Variants in TAS2R1 observed in about 807,000 individuals in gnomAD.
TAS2R1 encodes taste 2 receptor member 1.
For missense variants in TAS2R1, 370 were observed against 353.4 expected (o/e 1.05, Z -0.38); for synonymous variants, 141 against 134.2 (o/e 1.05, Z -0.35).
the TAS2R1 span, among the ~76,000 whole-genome samples, chr5:9,823,441 AAG>A: frequency 6.7e-6 from 1 of 148,838 alleles, no homozygotes; most frequent in Non-Finnish European, 1.5e-5. Context: ...TCCAGACAGG[AAG>A]AGAGGGAGGG....
chr5:9,897,407 C>A, the TAS2R1 span, among the ~76,000 whole-genome samples: 14 of 152,208 alleles, frequency 9.2e-5, no homozygotes, highest in African/African-American at 3.4e-4. Flanking sequence ...CGAGATCACG[C>A]CGCTGCACTC....
intron 1 of TAS2R1, among the ~76,000 whole-genome samples, chr5:9,695,747 G>A (rs17273158): frequency 6.6e-6 from 1 of 151,936 alleles, no homozygotes; most frequent in Non-Finnish European, 1.5e-5. Flanking sequence ...CTCAGCTAGG[G>A]TACATGCCTC....
At chr5:9,660,225 A>ATTTTTTTTTTTTTT (rs35208333) in intron 1 of TAS2R1, among the ~76,000 whole-genome samples, 5 of 88,820 alleles carry the variant, frequency 5.6e-5, no homozygotes, top group Admixed American at 1.4e-4. Flanking sequence ...CTCCCGGCTA[A>ATTTTTTTTTTTTTT]TTTTTTTTTT....
the TAS2R1 span, among the ~76,000 whole-genome samples, chr5:9,838,954 G>A: frequency 1.3e-5 from 2 of 152,196 alleles, no homozygotes; most frequent in Non-Finnish European, 2.9e-5. Flanking sequence ...TTCAGACCTG[G>A]ACTAACTGGA....
chr5:9,887,722 C>T, the TAS2R1 span, among the ~76,000 whole-genome samples: 2 of 152,144 alleles, frequency 1.3e-5, no homozygotes, highest in Non-Finnish European at 2.9e-5. Context: ...ACCCTGTCCT[C>T]GAGGAGCTCA....
chr5:9,891,916 AC>A, the TAS2R1 span, among the ~76,000 whole-genome samples: 6 of 152,220 alleles, frequency 3.9e-5, no homozygotes, highest in Admixed American at 3.9e-4. Context: ...TGGCAGGCTG[AC>A]CCCAGTGCAT....
At chr5:9,874,057 A>C in the TAS2R1 span, among the ~76,000 whole-genome samples, 1 of 152,142 alleles carries the variant, frequency 6.6e-6, no homozygotes, top group African/African-American at 2.4e-5. Flanking sequence ...AAAGTACTAC[A>C]TGGAGTGAGT....
At chr5:9,669,150 A>C (rs1160852997) in intron 1 of TAS2R1, among the ~76,000 whole-genome samples, 2 of 152,204 alleles carry the variant, frequency 1.3e-5, no homozygotes, top group Non-Finnish European at 2.9e-5. Context: ...AATCAGCAAT[A>C]ATCAAAAAAG....
chr5:9,830,186 T>TGGAC, the TAS2R1 span, among the ~76,000 whole-genome samples: 198 of 147,708 alleles, frequency 1.3e-3, no homozygotes, highest in Admixed American at 2.1e-3. Flanking sequence ...ATTGGATGGA[T>TGGAC]GGATGGATGG....
chr5:9,813,691 G>A, the TAS2R1 span, among the ~76,000 whole-genome samples: 1 of 152,240 alleles, frequency 6.6e-6, no homozygotes, highest in Admixed American at 6.5e-5. Flanking sequence ...TAAAGGTCAT[G>A]GATAACTGTA....
chr5:9,791,828 G>A, the TAS2R1 span, among the ~76,000 whole-genome samples: 1 of 152,152 alleles, frequency 6.6e-6, no homozygotes, highest in East Asian at 1.9e-4. Flanking sequence ...CTGGGTGTGG[G>A]GCTTCCAATG....
upstream of TAS2R1, chr5:9,714,318 A>G (rs1734762874): frequency 6.6e-6 from 1 of 152,246 alleles, no homozygotes; most frequent in Admixed American, 6.5e-5. Context: ...ATGATAACAA[A>G]CACAATGTCC....
At chr5:9,642,792 C>G (rs565256478) in intron 2 of TAS2R1, among the ~76,000 whole-genome samples, 6 of 152,240 alleles carry the variant, frequency 3.9e-5, no homozygotes, top group African/African-American at 1.4e-4. Context: ...GCTTTACAAA[C>G]AAGAATCCCT....
At chr5:9,842,478 G>A in the TAS2R1 span, among the ~76,000 whole-genome samples, 1 of 151,732 alleles carries the variant, frequency 6.6e-6, no homozygotes, top group Non-Finnish European at 1.5e-5. Flanking sequence ...CCACCACCAC[G>A]GCCGGCTAAT....
At chr5:9,855,609 G>C in the TAS2R1 span, among the ~76,000 whole-genome samples, 2 of 152,198 alleles carry the variant, frequency 1.3e-5, no homozygotes, top group Non-Finnish European at 2.9e-5. Flanking sequence ...AAAGCAGAAG[G>C]AAGTGCAGAG....
At chr5:9,810,977 A>G in the TAS2R1 span, among the ~76,000 whole-genome samples, 1 of 152,124 alleles carries the variant, frequency 6.6e-6, no homozygotes. Context: ...CCTGGTTCCT[A>G]TCGCATGACC....
the TAS2R1 span, among the ~76,000 whole-genome samples, chr5:9,894,072 C>T: frequency 6.6e-6 from 1 of 152,260 alleles, no homozygotes; most frequent in South Asian, 2.1e-4. Flanking sequence ...AGGTCTTTCC[C>T]ATGGGCCCCA....
chr5:9,731,441 C>G, the TAS2R1 span, among the ~76,000 whole-genome samples: 2 of 149,006 alleles, frequency 1.3e-5, no homozygotes, highest in East Asian at 1.9e-4. Flanking sequence ...GCCCATGAGG[C>G]CCCCTGGAGT....
the TAS2R1 span, among the ~76,000 whole-genome samples, chr5:9,754,427 G>A: frequency 1.3e-5 from 2 of 152,068 alleles, no homozygotes; most frequent in Non-Finnish European, 2.9e-5. Context: ...GCAGGAGAAG[G>A]AAATATTCAA....
Sources: gnomAD v4.1 joint callset for allele counts (sites outside exome capture counted in the v4.1 genomes callset) on GRCh38, gnomAD v4.1.1 for gene constraint, MANE v1.5 for transcripts, NCBI Gene and HGNC (gene_info 2026-07-23, HGNC 2026-07-21) for gene names.